ABLIM2: variants seen among roughly 807,000 people sequenced by gnomAD.
ABLIM2 encodes actin binding LIM protein family member 2.
ABLIM2 carries 53 observed loss-of-function variants against 97.7 expected under a neutral mutation model. The ratio of observed to expected loss-of-function variants is 0.54; its 90% CI spans 0.44 to 0.68. ABLIM2 has a LOEUF of 0.68. Among genes scored for constraint, ABLIM2 ranks in the 30% least tolerant of loss-of-function variants. The pLI is 0.00. For synonymous variants in ABLIM2, 361 were observed against 345.8 expected (o/e 1.04, Z -0.49); for missense variants, 835 against 867.2 (o/e 0.96, Z 0.47).
rs1830730126 is a variant in ABLIM2 at position 8,095,005 on chromosome 4, TC to T, written c.338+2093del. ...CTTTCTCTTTCTTTTCCTTTTTCTT[TC>T]TTTCTCTCTCTCTCTCCCCCCACTT... On this transcript the variant is annotated intron_variant, in intron 3 of 20. Coordinates refer to ENST00000447017, the MANE Select transcript of ABLIM2 (RefSeq NM_001130083.2). The surrounding 1 kb of genome is among the most constrained non-coding windows in gnomAD (Gnocchi z 4.7). Among the ~76,000 whole-genome samples the T allele has an allele frequency of 7.9e-6, 1 of 125,998 alleles. No homozygotes were observed. Among genetic ancestry groups the T allele is most frequent in the Non-Finnish European group, 1.7e-5 (1 of 59,346 alleles). 82.7% of individuals were successfully genotyped at this position (125,998 alleles called of 152,430 possible). A position where few individuals can be genotyped will look rare whatever the true frequency, so the allele number is the denominator to read the frequency against.
chr4:8,035,838 A>G (rs1784184122), intron 10 of ABLIM2, among the ~76,000 whole-genome samples: 1 of 152,248 alleles, frequency 6.6e-6, no homozygotes, highest in Admixed American at 6.5e-5. Flanking sequence ...TAAGAAAATT[A>G]GGAGATTTTC....
chr4:7,984,732 G>C, intron 18 of ABLIM2, 107 bp downstream of exon 18: 3 of 1,273,008 alleles, frequency 2.4e-6, no homozygotes, highest in Non-Finnish European at 3.2e-6. Context: ...CGGCACTCCC[G>C]GAGCCTTCTG....
chr4:8,156,769 C>A (rs1715506231), intron 1 of ABLIM2, among the ~76,000 whole-genome samples: 1 of 152,236 alleles, frequency 6.6e-6, no homozygotes, highest in Non-Finnish European at 1.5e-5. Context: ...ATGATGGAAG[C>A]TCCTGTCCTG....
At chr4:8,114,896 C>T (rs968707004) in intron 1 of ABLIM2, among the ~76,000 whole-genome samples, 1 of 152,218 alleles carries the variant, frequency 6.6e-6, no homozygotes, top group African/African-American at 2.4e-5. Flanking sequence ...CAGGGACACT[C>T]CTCCCGGGGC....
intron 3 of ABLIM2, 145 bp downstream of exon 3, chr4:8,096,954 A>G: frequency 9.4e-7 from 1 of 1,069,024 alleles, no homozygotes; most frequent in Non-Finnish European, 1.3e-6. Context: ...AGAAGGGTGC[A>G]GACTGTGGGG....
chr4:7,969,356 A>G (rs1284775995), intron 20 of ABLIM2, among the ~76,000 whole-genome samples: 1 of 151,976 alleles, frequency 6.6e-6, no homozygotes, highest in Non-Finnish European at 1.5e-5. Context: ...GAGGAGGCTG[A>G]GGTGGGAGGA....
intron 20 of ABLIM2, among the ~76,000 whole-genome samples, chr4:7,969,726 C>G (rs978931565): frequency 9.3e-6 from 1 of 107,200 alleles, no homozygotes; most frequent in Non-Finnish European, 1.9e-5. Context: ...TTCTCTCTCT[C>G]TCTGACACAC....
intron 7 of ABLIM2, among the ~76,000 whole-genome samples, chr4:8,055,463 C>T (rs1054014028): frequency 6.6e-5 from 10 of 151,734 alleles, no homozygotes; most frequent in East Asian, 3.9e-4. Flanking sequence ...CAGCCTGACC[C>T]GCCACTCCCT....
chr4:8,090,961 C>T (rs111504378), intron 3 of ABLIM2, among the ~76,000 whole-genome samples: 2,177 of 151,978 alleles, frequency 0.014, 33 homozygotes, highest in Non-Finnish European at 0.022. Flanking sequence ...AGCCTCTCCG[C>T]GGACACAAGC....
At chr4:8,077,749 G>A (rs1197338891) in intron 5 of ABLIM2, 28 bp from the exon 6 acceptor site, 1 of 1,589,096 alleles carries the variant, frequency 6.3e-7, no homozygotes. Context: ...GTCAACACAG[G>A]GCGGGTGTCG....
At chr4:8,039,317 TA>T (rs1476017189) in intron 9 of ABLIM2, among the ~76,000 whole-genome samples, 1 of 152,164 alleles carries the variant, frequency 6.6e-6, no homozygotes, top group African/African-American at 2.4e-5. Context: ...CCCCACAGCA[TA>T]GGGGGCCGCC....
At position 8,008,950 on chromosome 4, in the gene ABLIM2, T is replaced by C; in HGVS notation, c.1476+100A>G. 2.8e-6 allele frequency: 4 copies of C among 1,416,496 alleles called. No individual in the cohort carries two copies. In the South Asian group the frequency reaches 4.7e-5, roughly 17 times the overall value. 87.7% of individuals were successfully genotyped at this position (1,416,496 alleles called of 1,614,324 possible). On this transcript the variant is annotated intron_variant, in intron 15 of 20. Transcript: ENST00000447017. Reference sequence around the variant, plus strand: ...CTCGCAGGGCCCCTAAGGAACAGAATGTAAGAGGAAGATTCGAAGTCTCAA... The same window carrying C: ...CTCGCAGGGCCCCTAAGGAACAGAACGTAAGAGGAAGATTCGAAGTCTCAA...
In ABLIM2 at chr4:8,078,283, C is replaced by G. The variant is rs148631558; in HGVS notation, c.582-562G>C. ...CTGGCCACACTTGGAGAGGCCTGGC[C>G]TTCCGCAGTGCAGGAAAGAGCAGGA... On this transcript the variant is annotated intron_variant, in intron 5 of 20. Transcript: ENST00000447017. Among the ~76,000 whole-genome samples the G allele has an allele frequency of 1.6e-3, 238 of 152,352 alleles. 1 individual carries two copies. The highest frequency in any genetic ancestry group is 4.7e-3 in the African/African-American group (197 of 41,582).
In ABLIM2 at chr4:8,153,238, T is replaced by C. The variant is rs990087045; in HGVS notation, c.10+5442A>G. On this transcript the variant is annotated intron_variant, in intron 1 of 20. Coordinates refer to ENST00000447017, the MANE Select transcript of ABLIM2 (RefSeq NM_001130083.2). ...GGGTGCGGGCCAGGCAGCTTTTCCA[T>C]GAGTCAGGGACACACACCTTTTTCT... 3.9e-5 allele frequency among the ~76,000 whole-genome samples: 6 copies of C among 152,244 alleles called. No individual in the cohort carries two copies. In the South Asian group the frequency reaches 1.2e-3, roughly 31 times the overall value.
Position 8,004,023 on chromosome 4 carries a change from G to A in ABLIM2, c.1618+4036C>T, listed in dbSNP as rs957790458. ...CCTTCGACCACGGACTAAGGAACGC[G>A]AGAAGAACTCTTCTGCCCCATCTTG... On this transcript the variant is annotated intron_variant, in intron 16 of 20. Transcript: ENST00000447017. The surrounding 1 kb of genome is among the most constrained non-coding windows in gnomAD (Gnocchi z 5.9). 3.3e-5 allele frequency among the ~76,000 whole-genome samples: 5 copies of A among 152,084 alleles called. No homozygotes were observed. Among genetic ancestry groups the A allele is most frequent in the Admixed American group, 1.3e-4 (2 of 15,258 alleles).
At position 8,022,494 on chromosome 4, in the gene ABLIM2, C is replaced by T. The variant is rs898213253; in HGVS notation, c.1268-2191G>A. Among the ~76,000 whole-genome samples the T allele has an allele frequency of 4.6e-5, 7 of 152,242 alleles. No individual in the cohort carries two copies. Among genetic ancestry groups the T allele is most frequent in the African/African-American group, 1.7e-4 (7 of 41,466 alleles). On this transcript the variant is annotated intron_variant, in intron 12 of 20. Coordinates refer to ENST00000447017, the MANE Select transcript of ABLIM2 (RefSeq NM_001130083.2). This position sits in a 1 kb window ranked among gnomAD's most constrained non-coding sequence, Gnocchi z 7.8. ...GAAGCTGGGGACACAGCCATGTTGG[C>T]CCACCTCATTCTGGCCCCCCAGGGC...
chr4:7,980,718 G>GAA (rs757171128), intron 20 of ABLIM2, among the ~76,000 whole-genome samples: 21 of 132,080 alleles, frequency 1.6e-4, no homozygotes, highest in South Asian at 5.2e-4. Flanking sequence ...CTGTCTCAAA[G>GAA]AAAAAAAAAA....
intron 16 of ABLIM2, among the ~76,000 whole-genome samples, chr4:7,995,843 C>G (rs989856156): frequency 8.5e-5 from 13 of 152,290 alleles, no homozygotes; most frequent in African/African-American, 3.1e-4. Flanking sequence ...ATTCCTCCCC[C>G]TCCCAGCCCC....
rs1792250097 is a variant in ABLIM2, at chr4:8,046,153, C to G, written c.823-912G>C. Reference sequence around the variant, plus strand: ...GTCCTCCTTACATGCTCGCTGCTGTCTGGGGCCACTCCTCCCTTCCGGACC... The same window carrying G: ...GTCCTCCTTACATGCTCGCTGCTGTGTGGGGCCACTCCTCCCTTCCGGACC... On this transcript the variant is annotated intron_variant, in intron 8 of 20. Coordinates refer to ENST00000447017, the MANE Select transcript of ABLIM2 (RefSeq NM_001130083.2). This position sits in a 1 kb window ranked among gnomAD's most constrained non-coding sequence, Gnocchi z 4.4. Among the ~76,000 whole-genome samples, 1 of 152,154 alleles carries G rather than the reference C, an allele frequency of 6.6e-6. No individual in the cohort carries two copies.
Sources: gnomAD v4.1 joint callset for allele counts (sites outside exome capture counted in the v4.1 genomes callset) on GRCh38, gnomAD v4.1.1 for gene constraint, Gnocchi (gnomAD v3.1) non-coding constraint, MANE v1.5 for transcripts, NCBI Gene and HGNC (gene_info 2026-07-23, HGNC 2026-07-21) for gene names.